Variants in LEPR observed in about 807,000 individuals in gnomAD.
LEPR encodes the protein OB receptor.
LEPR carries 56 observed loss-of-function variants against 114.7 expected under a neutral mutation model. The observed-to-expected ratio is 0.49, with a 90% CI of 0.39 to 0.61. The LOEUF (loss-of-function observed/expected upper bound fraction) is 0.61. LEPR is among the 20% of genes least tolerant of loss of function. LEPR has a pLI of 0.00. For missense variants in LEPR, 1,202 were observed against 1,352.9 expected, an observed-to-expected ratio of 0.89 and a Z score of 1.75; for synonymous variants, 443 against 461.4, an observed-to-expected ratio of 0.96 and a Z score of 0.51.
In LEPR at chr1:65,483,257, C is replaced by CAAATCAATATTGATTTTTA. The variant is rs1557616853; in HGVS notation, c.-21+57879_-21+57880insAAATCAATATTGATTTTTA. Among the ~76,000 whole-genome samples, 65 of 135,106 alleles carry CAAATCAATATTGATTTTTA rather than the reference C, an allele frequency of 4.8e-4. 1 individual carries two copies. The highest frequency in any genetic ancestry group is 7.1e-4 in the Non-Finnish European group (41 of 57,790). 88.6% of individuals were successfully genotyped at this position (135,106 alleles called of 152,430 possible). A position where few individuals can be genotyped will look rare whatever the true frequency, so the allele number is the denominator to read the frequency against. The stretch of plus-strand genomic sequence containing the variant: ...GATATACAAATCAATATTGATTTTT[C>CAAATCAATATTGATTTTTA]TACAAATCAATAAGAAAAAGACAAT... On this transcript the variant is annotated intron_variant, in intron 2 of 19. Coordinates refer to ENST00000349533, the MANE Select transcript of LEPR (RefSeq NM_002303.6).
intron 3 of LEPR, among the ~76,000 whole-genome samples, chr1:65,566,602 T>C (rs1480132298): frequency 6.6e-6 from 1 of 152,218 alleles, no homozygotes; most frequent in African/African-American, 2.4e-5. Flanking sequence ...AGTTAGATTG[T>C]GTTCCAAGTT....
intron 18 of LEPR, among the ~76,000 whole-genome samples, 165 bp from the exon 19 acceptor site, chr1:65,622,741 A>G (rs1657962576): frequency 6.6e-6 from 1 of 152,274 alleles, no homozygotes; most frequent in Non-Finnish European, 1.5e-5. Context: ...GTCTAGATAA[A>G]AGTTTGGTAG....
At chr1:65,452,592 C>T (rs371531339) in intron 2 of LEPR, among the ~76,000 whole-genome samples, 235 of 151,782 alleles carry the variant, frequency 1.5e-3, no homozygotes, top group Middle Eastern at 6.8e-3. Context: ...TATTGATTTG[C>T]GTATATTGAA....
rs1358238570 is a variant in LEPR, at chr1:65,617,951, C to T, written c.2213-13C>T. ...TTTTAATTTAAAAATTAATTTCCTT[C>T]TTTTCCCCTCAGTAAATATCGTGCA... On this transcript the variant is annotated splice_polypyrimidine_tract_variant and intron_variant, in intron 15 of 19. Transcript: ENST00000349533. 6.2e-7 allele frequency: 1 copy of T among 1,600,524 alleles called. No individual in the cohort carries two copies. The highest frequency in any genetic ancestry group is 8.5e-7 in the Non-Finnish European group (1 of 1,175,068).
At chr1:65,435,772 C>G in intron 2 of LEPR, 2 of 980,904 alleles carry the variant, frequency 2.0e-6, no homozygotes, top group Non-Finnish European at 2.4e-6. Context: ...TAGTTCACAA[C>G]TGAGAAATAT....
Position 65,633,469 on chromosome 1 carries a change from A to C in LEPR, c.2674-2722A>C. ...TTGATTTGTCATATTCCTGGTCATA[A>C]AACATTAAGAAAATTATGGCTGTTG... On this transcript the variant is annotated intron_variant, in intron 19 of 19. Transcript: ENST00000349533. The surrounding 1 kb of genome is among the most constrained non-coding windows in gnomAD (Gnocchi z 4.1). 8.3e-7 allele frequency: 1 copy of C among 1,201,532 alleles called. No individual in the cohort carries two copies. Among genetic ancestry groups the C allele is most frequent in the Non-Finnish European group, 1.0e-6 (1 of 966,638 alleles). 74.4% of individuals were successfully genotyped at this position (1,201,532 alleles called of 1,614,324 possible). A position where few individuals can be genotyped will look rare whatever the true frequency, so the allele number is the denominator to read the frequency against.
intron 2 of LEPR, chr1:65,434,133 C>T (rs1484689502): frequency 1.2e-5 from 12 of 983,440 alleles, no homozygotes; most frequent in Admixed American, 1.2e-4. Flanking sequence ...AAAGTACTTG[C>T]ATATAGAGTA....
At position 65,638,286 on chromosome 1, in the gene LEPR, C is replaced by T. The variant is rs1156529677; in HGVS notation, c.*1271C>T. On this transcript the variant is annotated 3_prime_UTR_variant, in exon 20 of 20. Transcript: ENST00000349533. ...TGGATGAGAAATTAAGTGAGAATTG[C>T]ACAGATCTCATGTTTGCCTTTAACA... The T allele has an allele frequency of 6.6e-6, 1 of 152,062 alleles. No homozygotes were observed. The highest frequency in any genetic ancestry group is 1.5e-5 in the Non-Finnish European group (1 of 68,014). 9.4% of individuals were successfully genotyped at this position (152,062 alleles called of 1,614,324 possible). A position where few individuals can be genotyped will look rare whatever the true frequency, so the allele number is the denominator to read the frequency against.
chr1:65,594,650 C>T (rs185646194), intron 6 of LEPR, among the ~76,000 whole-genome samples: 2 of 151,744 alleles, frequency 1.3e-5, no homozygotes, highest in South Asian at 2.1e-4. Flanking sequence ...ACCTAAGAGA[C>T]GTTGAATAAG....
chr1:65,608,356 G>T (rs1418618118), intron 11 of LEPR, among the ~76,000 whole-genome samples: 2 of 151,390 alleles, frequency 1.3e-5, no homozygotes, highest in Admixed American at 1.3e-4. Flanking sequence ...TCAGCCTCCT[G>T]AGTAGCTGGG....
intron 2 of LEPR, among the ~76,000 whole-genome samples, chr1:65,546,792 C>A (rs1436816011): frequency 1.3e-5 from 2 of 152,108 alleles, no homozygotes; most frequent in African/African-American, 4.8e-5. Context: ...TAGTTGAATA[C>A]CCTTTATTTC....
intron 2 of LEPR, among the ~76,000 whole-genome samples, chr1:65,558,506 T>G (rs868776073): frequency 2.4e-5 from 2 of 84,720 alleles, no homozygotes; most frequent in East Asian, 2.2e-4. Flanking sequence ...TTAATGTTTT[T>G]TTTTTTTTTT....
At chr1:65,502,846 C>G (rs1184840088) in intron 2 of LEPR, among the ~76,000 whole-genome samples, 3 of 148,380 alleles carry the variant, frequency 2.0e-5, no homozygotes, top group Non-Finnish European at 4.5e-5. Context: ...ATGTATAGAG[C>G]CTGGGGGGAG....
chr1:65,537,402 T>C (rs1041572468), intron 2 of LEPR, among the ~76,000 whole-genome samples: 3 of 152,184 alleles, frequency 2.0e-5, no homozygotes, highest in African/African-American at 7.2e-5. Context: ...GTTTGAACCA[T>C]TTCTGGTTTT....
intron 6 of LEPR, among the ~76,000 whole-genome samples, chr1:65,593,938 T>A (rs1278944380): frequency 6.6e-6 from 1 of 152,098 alleles, no homozygotes; most frequent in Non-Finnish European, 1.5e-5. Flanking sequence ...AGTGCATTGT[T>A]TTTCAAAATG....
At chr1:65,524,507 G>T (rs1248171723) in intron 2 of LEPR, among the ~76,000 whole-genome samples, 1 of 152,220 alleles carries the variant, frequency 6.6e-6, no homozygotes, top group Non-Finnish European at 1.5e-5. Context: ...AGCTCCATTT[G>T]CGAAGTTATA....
chr1:65,592,248 A>ATTT (rs58700529), intron 5 of LEPR, among the ~76,000 whole-genome samples: 19 of 117,744 alleles, frequency 1.6e-4, no homozygotes, highest in Admixed American at 6.2e-4. Flanking sequence ...ATCTGCTGTC[A>ATTT]TTTTTTTTTT....
chr1:65,431,290 A>G (rs1338433651), intron 2 of LEPR, among the ~76,000 whole-genome samples: 5 of 152,218 alleles, frequency 3.3e-5, no homozygotes, highest in Admixed American at 6.5e-5. Context: ...AAAAATGCCC[A>G]CTAGAGGGTA....
chr1:65,500,668 A>G (rs1055073956), intron 2 of LEPR, among the ~76,000 whole-genome samples: 4 of 152,204 alleles, frequency 2.6e-5, no homozygotes, highest in Non-Finnish European at 5.9e-5. Context: ...TATATAATAC[A>G]TGTAGCATAC....
Sources: allele counts gnomAD v4.1 joint callset (sites outside exome capture counted in the v4.1 genomes callset), GRCh38; gene constraint gnomAD v4.1.1; non-coding constraint Gnocchi (gnomAD v3.1); transcripts MANE v1.5; gene names NCBI Gene and HGNC (gene_info 2026-07-23, HGNC 2026-07-21).